The following DAB2IP variants were observed in gnomAD, a reference collection of about 807,000 sequenced individuals.
DAB2IP encodes the protein disabled homolog 2-interacting protein.
DAB2IP carries 28 observed loss-of-function variants against 107.2 expected under a neutral mutation model. The ratio of observed to expected loss-of-function variants is 0.26; its 90% CI spans 0.19 to 0.36. The LOEUF is 0.36. DAB2IP is among the 10% of genes least tolerant of loss of function. The pLI is 1.00. For missense variants in DAB2IP, 1,400 were observed against 1,644.7 expected (o/e 0.85, Z 2.57); for synonymous variants, 755 against 706.4 (o/e 1.07, Z -1.09).
intron 1 of DAB2IP, among the ~76,000 whole-genome samples, chr9:121,618,243 A>C (rs58356070): frequency 0.024 from 3,682 of 152,298 alleles, 154 homozygotes; most frequent in African/African-American, 0.083. Context: ...GAATGGGGAA[A>C]GGGGAGTCCC....
chr9:121,620,638 A>C (rs1831428625), intron 1 of DAB2IP, among the ~76,000 whole-genome samples: 1 of 152,170 alleles, frequency 6.6e-6, no homozygotes, highest in Admixed American at 6.5e-5. Flanking sequence ...GGCCTTGGCC[A>C]GCCACCCTGG....
chr9:121,606,201 A>G (rs996699031), intron 1 of DAB2IP, among the ~76,000 whole-genome samples: 4 of 152,064 alleles, frequency 2.6e-5, no homozygotes, highest in African/African-American at 9.7e-5. Context: ...AAGAAAAAAA[A>G]ATAAAGAAAG....
At position 121,776,478 on chromosome 9, in the gene DAB2IP, C is replaced by T. The variant is rs1796483089; in HGVS notation, c.3314+87C>T. ...GAGGAGGCCCCTGGTCGGGGAGCCT[C>T]CTCAAAGGATAAGCTGAATGTGGAG... On this transcript the variant is annotated intron_variant, in intron 14 of 15. Transcript: ENST00000408936. The surrounding 1 kb of genome is among the most constrained non-coding windows in gnomAD (Gnocchi z 5.4). The T allele has an allele frequency of 1.6e-5, 22 of 1,363,668 alleles. No individual in the cohort carries two copies. Among genetic ancestry groups the T allele is most frequent in the Non-Finnish European group, 2.1e-5 (21 of 1,022,566 alleles). The allele number at this position is 1,363,668 out of a possible 1,614,324, so 84.5% of individuals were successfully genotyped here.
intron 1 of DAB2IP, among the ~76,000 whole-genome samples, chr9:121,632,809 G>A (rs1021220139): frequency 2.0e-5 from 3 of 152,258 alleles, no homozygotes. Flanking sequence ...CTGTGAGTGA[G>A]CGCTGGAGCC....
chr9:121,732,771 C>T (rs1244180247), intron 3 of DAB2IP, among the ~76,000 whole-genome samples: 1 of 152,196 alleles, frequency 6.6e-6, no homozygotes, highest in African/African-American at 2.4e-5. Flanking sequence ...TGAGCTTGGG[C>T]AACTTTTCCA....
chr9:121,610,742 G>A (rs956039148), intron 1 of DAB2IP, among the ~76,000 whole-genome samples: 1 of 152,120 alleles, frequency 6.6e-6, no homozygotes, highest in Non-Finnish European at 1.5e-5. Context: ...ATAGTCAGAG[G>A]GGGGCGCAGA....
At chr9:121,754,384 C>T (rs966888326) in intron 3 of DAB2IP, among the ~76,000 whole-genome samples, 1 of 152,202 alleles carries the variant, frequency 6.6e-6, no homozygotes, top group Admixed American at 6.5e-5. Context: ...GCTGTACTAT[C>T]CAGGAAGGAG....
chr9:121,669,407 G>A (rs905240888), intron 1 of DAB2IP, among the ~76,000 whole-genome samples: 2 of 152,154 alleles, frequency 1.3e-5, no homozygotes, highest in South Asian at 2.1e-4. Context: ...ACCTCTAGTT[G>A]AATAAGTTGC....
At chr9:121,573,367 G>A (rs1422912548) in intron 1 of DAB2IP, among the ~76,000 whole-genome samples, 3 of 151,910 alleles carry the variant, frequency 2.0e-5, no homozygotes, top group Non-Finnish European at 4.4e-5. Flanking sequence ...GTGAGCCACC[G>A]TGCCCAGCAT....
At position 121,755,197 on chromosome 9, in the gene DAB2IP, A is replaced by G. The variant is rs111840316; in HGVS notation, c.363-1816A>G. Among the ~76,000 whole-genome samples the G allele has an allele frequency of 5.9e-3, 895 of 152,260 alleles. 9 individuals carry two copies. Among genetic ancestry groups the G allele is most frequent in the African/African-American group, 0.02 (845 of 41,548 alleles). On this transcript the variant is annotated intron_variant, in intron 3 of 15. Transcript: ENST00000408936. ...AGCAAGGCCTTGAGGGATTATCAGG[A>G]GAAGAGGCCTGTTCCAACACAGCGG...
At chr9:121,659,750 C>T (rs1220706368) in intron 1 of DAB2IP, among the ~76,000 whole-genome samples, 2 of 151,884 alleles carry the variant, frequency 1.3e-5, no homozygotes, top group South Asian at 2.1e-4. Context: ...GCCGAGATCG[C>T]GCCACTGCAC....
chr9:121,571,692 T>C (rs538139233), intron 1 of DAB2IP, among the ~76,000 whole-genome samples: 8 of 151,990 alleles, frequency 5.3e-5, no homozygotes, highest in Non-Finnish European at 8.8e-5. Context: ...AGCCATGGCA[T>C]GGTGGGGGAT....
intron 1 of DAB2IP, 142 bp downstream of exon 1, chr9:121,652,041 A>G: frequency 1.3e-6 from 1 of 756,006 alleles, no homozygotes; most frequent in Non-Finnish European, 1.8e-6. Context: ...AGTCTGCCGG[A>G]CCCCCCATTC....
rs548820008 is a variant in DAB2IP, at chr9:121,760,427, G to A, written c.1158G>A (p.Thr386=). 6.9e-5 allele frequency: 111 copies of A among 1,600,382 alleles called. 1 individual carries two copies. The highest frequency in any genetic ancestry group is 6.6e-5 in the South Asian group (6 of 90,466). ...CCCTGGTGCACATCCTGCAGAGCAC[G>A]GGCAAGGTGAAGGTGCGTGCAGGCC... The change falls in exon 6 of 16, where the codon ACG becomes ACA. Residue 386 remains threonine, a synonymous_variant. Transcript: ENST00000408936. The surrounding 1 kb of genome is among the most constrained non-coding windows in gnomAD (Gnocchi z 5.9).
At chr9:121,713,341 C>A (rs1219522450) in intron 3 of DAB2IP, among the ~76,000 whole-genome samples, 1 of 152,104 alleles carries the variant, frequency 6.6e-6, no homozygotes, top group Non-Finnish European at 1.5e-5. Flanking sequence ...GTGCCCTTCC[C>A]AGCTTGCTTG....
At chr9:121,646,802 C>G (rs1289072622), upstream of DAB2IP, among the ~76,000 whole-genome samples, 1 of 152,156 alleles carries the variant, frequency 6.6e-6, no homozygotes, top group Non-Finnish European at 1.5e-5. Context: ...ACTCCCCCGT[C>G]TCTGCATTCC....
chr9:121,614,815 C>A (rs1831216087), intron 1 of DAB2IP, among the ~76,000 whole-genome samples: 1 of 151,198 alleles, frequency 6.6e-6, no homozygotes, highest in South Asian at 2.1e-4. Flanking sequence ...CTCACAGCAA[C>A]CTCTGCCTCC....
At position 121,782,733 on chromosome 9, in the gene DAB2IP, A is replaced by G; in HGVS notation, c.*235A>G. 1.4e-6 allele frequency: 2 copies of G among 1,382,294 alleles called. No individual in the cohort carries two copies. Among genetic ancestry groups the G allele is most frequent in the Non-Finnish European group, 1.9e-6 (2 of 1,068,880 alleles). The allele number at this position is 1,382,294 out of a possible 1,614,324, so 85.6% of individuals were successfully genotyped here. A position where few individuals can be genotyped will look rare whatever the true frequency, so the allele number is the denominator to read the frequency against. On this transcript the variant is annotated 3_prime_UTR_variant, in exon 16 of 16. Coordinates refer to ENST00000408936, the Ensembl canonical transcript of DAB2IP. This position sits in a 1 kb window ranked among gnomAD's most constrained non-coding sequence, Gnocchi z 6.1. ...GTGGGGTGCGGGCAGAAGAGACTGC[A>G]CGCTGGGGAGTGGGGACAGCCTGAT...
intron 1 of DAB2IP, among the ~76,000 whole-genome samples, chr9:121,590,959 G>C (rs940878658): frequency 6.6e-6 from 1 of 152,198 alleles, no homozygotes; most frequent in African/African-American, 2.4e-5. Flanking sequence ...TTGAGCCATG[G>C]GTGTGTCATG....
Sources: gnomAD v4.1 joint callset for allele counts (sites outside exome capture counted in the v4.1 genomes callset) on GRCh38, gnomAD v4.1.1 for gene constraint, Gnocchi (gnomAD v3.1) non-coding constraint, MANE v1.5 for transcripts, NCBI Gene and HGNC (gene_info 2026-07-23, HGNC 2026-07-21) for gene names.